The following TSPAN18 variants were observed in gnomAD, a reference collection of about 807,000 sequenced individuals.
The protein encoded by TSPAN18 is tetraspanin 18, also known as tetraspanin-18.
In TSPAN18, 14 loss-of-function variants were observed where a neutral mutation model predicts 27.3. The ratio of observed to expected loss-of-function variants is 0.51; its 90% CI spans 0.34 to 0.80. The LOEUF (loss-of-function observed/expected upper bound fraction) is 0.80. Ranked by LOEUF, TSPAN18 falls within the 30% of genes least tolerant of loss-of-function variation. TSPAN18 has a pLI of 0.01. For synonymous variants in TSPAN18, 143 were observed against 136.5 expected (o/e 1.05, Z -0.33); for missense variants, 268 against 323.9 (o/e 0.83, Z 1.32).
intron 2 of TSPAN18, among the ~76,000 whole-genome samples, chr11:44,833,614 G>A (rs1470849): frequency 0.11 from 17,405 of 152,164 alleles, 1,049 homozygotes; most frequent in Middle Eastern, 0.18. Context: ...ATCTCAAAAA[G>A]TCCATCTGCG....
chr11:44,930,587 G>A lies in TSPAN18; in HGVS notation c.*1409G>A, dbSNP rs1182327342. On this transcript the variant is annotated 3_prime_UTR_variant, in exon 10 of 10. Coordinates refer to ENST00000520358, the MANE Select transcript of TSPAN18 (RefSeq NM_130783.5). ...CCTCCAGGCTTGGGCAGGGAGACTC[G>A]CAGATGCACACCCACAAGTATTCAG... is the stretch of plus-strand genomic sequence containing the variant. 1.3e-5 allele frequency: 4 copies of A among 298,916 alleles called. No homozygotes were observed. Among genetic ancestry groups the A allele is most frequent in the East Asian group, 9.4e-5 (1 of 10,614 alleles). The allele number at this position is 298,916 out of a possible 1,614,324, so 18.5% of individuals were successfully genotyped here.
intron 1 of TSPAN18, among the ~76,000 whole-genome samples, chr11:44,761,079 T>C (rs945150656): frequency 2.0e-5 from 3 of 152,126 alleles, no homozygotes; most frequent in Non-Finnish European, 2.9e-5. Flanking sequence ...AGGCATGACG[T>C]AGATAGGTCG....
At chr11:44,777,457 C>G (rs1855838602) in intron 2 of TSPAN18, among the ~76,000 whole-genome samples, 1 of 152,182 alleles carries the variant, frequency 6.6e-6, no homozygotes, top group Non-Finnish European at 1.5e-5. Flanking sequence ...GCCTTGTTCT[C>G]CAGCTCACCC....
At chr11:44,781,041 A>G (rs1855926696) in intron 2 of TSPAN18, among the ~76,000 whole-genome samples, 2 of 152,320 alleles carry the variant, frequency 1.3e-5, no homozygotes, top group Admixed American at 1.3e-4. Context: ...GCTTATCACA[A>G]ACATTAAGGA....
intron 2 of TSPAN18, among the ~76,000 whole-genome samples, chr11:44,844,748 T>A (rs1857445907): frequency 6.6e-6 from 1 of 152,246 alleles, no homozygotes; most frequent in Non-Finnish European, 1.5e-5. Flanking sequence ...TTCTTGTAGA[T>A]AAGTGTTGCA....
At chr11:44,920,145 C>T (rs192157539) in intron 8 of TSPAN18, 146 bp downstream of exon 8, 2 of 823,104 alleles carry the variant, frequency 2.4e-6, no homozygotes, top group East Asian at 2.7e-5. Flanking sequence ...GATGCCTGCA[C>T]CTGAGCAGGG....
At chr11:44,768,864 T>C (rs1173469722) in intron 2 of TSPAN18, among the ~76,000 whole-genome samples, 4 of 151,642 alleles carry the variant, frequency 2.6e-5, no homozygotes, top group Admixed American at 2.6e-4. Context: ...CTTCATTAGA[T>C]TGTTGATATG....
chr11:44,920,468 A>G (rs1388766718), intron 8 of TSPAN18, among the ~76,000 whole-genome samples: 1 of 134,546 alleles, frequency 7.4e-6, no homozygotes, highest in Non-Finnish European at 1.5e-5. Context: ...AAGCTCCTAG[A>G]CTTCAGGTTC....
Position 44,862,909 on chromosome 11 carries a change from TAGAG to T in TSPAN18, c.-11+2444_-11+2447del, listed in dbSNP as rs1305186750. On this transcript the variant is annotated intron_variant, in intron 3 of 9. Coordinates refer to ENST00000520358, the MANE Select transcript of TSPAN18 (RefSeq NM_130783.5). ...CCTGGGGAGGAGGAAGGGCAGCTGTTAGAGAGATCTGTATGCAGACCTGCTCCTG... is the reference window on the plus strand; with the variant it reads ...CCTGGGGAGGAGGAAGGGCAGCTGTTAGATCTGTATGCAGACCTGCTCCTG... 2.0e-5 allele frequency among the ~76,000 whole-genome samples: 3 copies of T among 152,180 alleles called. No individual in the cohort carries two copies. In the East Asian group the frequency reaches 5.8e-4, roughly 29 times the overall value.
chr11:44,831,515 G>T (rs1857153185), intron 2 of TSPAN18, among the ~76,000 whole-genome samples: 1 of 152,178 alleles, frequency 6.6e-6, no homozygotes. Flanking sequence ...CATGTCCAAG[G>T]ATCCAAATTT....
rs149954367 is a variant in TSPAN18, at chr11:44,790,675, C to T, written c.-153+26163C>T. On this transcript the variant is annotated intron_variant, in intron 2 of 9. Transcript: ENST00000520358. The stretch of plus-strand genomic sequence containing the variant: ...GGAGAACACAAAAGAACATGGGATG[C>T]CAGATGTTTAAGTAAACCTGGAACC... 4.6e-5 allele frequency among the ~76,000 whole-genome samples: 7 copies of T among 152,232 alleles called. No individual in the cohort carries two copies. In the East Asian group the frequency reaches 5.8e-4, roughly 13 times the overall value.
chr11:44,879,696 C>A (rs1858437063), intron 3 of TSPAN18, among the ~76,000 whole-genome samples: 1 of 152,202 alleles, frequency 6.6e-6, no homozygotes, highest in African/African-American at 2.4e-5. Context: ...AGGGCCAGGT[C>A]ACTGAGGGCC....
At chr11:44,835,645 G>A (rs1857249740) in intron 2 of TSPAN18, among the ~76,000 whole-genome samples, 1 of 152,176 alleles carries the variant, frequency 6.6e-6, no homozygotes, top group South Asian at 2.1e-4. Flanking sequence ...GGGGGGATAG[G>A]GGGCGGTGGT....
At chr11:44,772,712 G>A (rs1212886222) in intron 2 of TSPAN18, among the ~76,000 whole-genome samples, 17 of 152,184 alleles carry the variant, frequency 1.1e-4, no homozygotes, top group Admixed American at 5.2e-4. Flanking sequence ...TGGCTGGAGT[G>A]CAATGGCGCC....
rs835822 is a variant in TSPAN18, at chr11:44,779,807, T to A, written c.-153+15295T>A. Among the ~76,000 whole-genome samples the A allele has an allele frequency of 8.8e-3, 1,345 of 152,210 alleles. 16 individuals are homozygous for A. The highest frequency in any genetic ancestry group is 0.029 in the African/African-American group (1,222 of 41,528). On this transcript the variant is annotated intron_variant, in intron 2 of 9. Coordinates refer to ENST00000520358, the MANE Select transcript of TSPAN18 (RefSeq NM_130783.5). ...TGTACACTCCTAAGTGCCTGCACATTCCTACCCACATCCTTGTGTCTGCCT... is the reference window on the plus strand; with the variant it reads ...TGTACACTCCTAAGTGCCTGCACATACCTACCCACATCCTTGTGTCTGCCT...
intron 2 of TSPAN18, among the ~76,000 whole-genome samples, chr11:44,831,573 C>T (rs1857154594): frequency 6.6e-6 from 1 of 152,180 alleles, no homozygotes; most frequent in African/African-American, 2.4e-5. Context: ...CTCCTAGGTC[C>T]TACTGGAGAA....
intron 3 of TSPAN18, among the ~76,000 whole-genome samples, chr11:44,864,574 C>T (rs929212594): frequency 6.6e-6 from 1 of 152,214 alleles, no homozygotes; most frequent in Admixed American, 6.5e-5. Context: ...TTCAACCCTC[C>T]CTTGCCATCT....
Position 44,872,036 on chromosome 11 carries a change from G to T in TSPAN18, c.-11+11567G>T, listed in dbSNP as rs61880645. Among the ~76,000 whole-genome samples the T allele has an allele frequency of 2.1e-3, 317 of 152,196 alleles. 2 individuals are homozygous for T. The South Asian group carries it at 0.023, about 11-fold the overall frequency. On this transcript the variant is annotated intron_variant, in intron 3 of 9. Transcript: ENST00000520358. The stretch of plus-strand genomic sequence containing the variant: ...CCTCCTGGGTTCAAGCAGTTCTCCT[G>T]CCTCAGACTCCCGAGTAGCTGGGAT...
At chr11:44,791,083 G>A (rs1400276330) in intron 2 of TSPAN18, among the ~76,000 whole-genome samples, 1 of 152,196 alleles carries the variant, frequency 6.6e-6, no homozygotes, top group Admixed American at 6.5e-5. Context: ...CCAGTCTGCT[G>A]CTGTCTCAAG....
Sources: allele counts gnomAD v4.1 joint callset (sites outside exome capture counted in the v4.1 genomes callset), GRCh38; gene constraint gnomAD v4.1.1; transcripts MANE v1.5; gene names NCBI Gene and HGNC (gene_info 2026-07-23, HGNC 2026-07-21).